The following RNF144A variants were observed in gnomAD, a reference collection of about 807,000 sequenced individuals.
The protein encoded by RNF144A is E3 ubiquitin-protein ligase RNF144A.
Under a neutral mutation model 38.7 loss-of-function variants are expected in RNF144A, and 11 were observed. The observed-to-expected ratio is 0.28, with a 90% CI of 0.18 to 0.47. The LOEUF is 0.47. RNF144A is among the 20% of genes least tolerant of loss of function. The pLI, the probability that RNF144A is intolerant of heterozygous loss-of-function variation, is 0.99. For missense variants in RNF144A, 316 were observed against 377.2 expected (o/e 0.84, Z 1.34); for synonymous variants, 149 against 143.9 (o/e 1.04, Z -0.25).
chr2:6,947,120 C>T (rs1368223096), intron 2 of RNF144A, among the ~76,000 whole-genome samples: 3 of 151,938 alleles, frequency 2.0e-5, no homozygotes, highest in Non-Finnish European at 4.4e-5. Flanking sequence ...AAAGTTGGAA[C>T]AAAATTGATC....
chr2:6,971,950 G>T (rs1421176016), intron 2 of RNF144A, among the ~76,000 whole-genome samples: 1 of 152,012 alleles, frequency 6.6e-6, no homozygotes, highest in Non-Finnish European at 1.5e-5. Context: ...TTAATAGTTT[G>T]CAAAAAGGGG....
At chr2:6,968,736 A>G (rs1042395120) in intron 2 of RNF144A, among the ~76,000 whole-genome samples, 2 of 151,994 alleles carry the variant, frequency 1.3e-5, no homozygotes, top group African/African-American at 2.4e-5. Flanking sequence ...TGAAAAACGC[A>G]TCAACTCTTC....
intron 5 of RNF144A, among the ~76,000 whole-genome samples, chr2:7,019,896 TG>T (rs1671401748): frequency 6.6e-6 from 1 of 152,208 alleles, no homozygotes; most frequent in African/African-American, 2.4e-5. Flanking sequence ...AGTTAACTCG[TG>T]GCTTGGATTT....
rs1321742749 is a variant in RNF144A, at chr2:7,025,680, A to AAAAT, written c.657+1180_657+1183dup. Among the ~76,000 whole-genome samples the AAAAT allele has an allele frequency of 6.6e-4, 100 of 152,318 alleles. 1 individual carries two copies. The highest frequency in any genetic ancestry group is 3.4e-3 in the Middle Eastern group (1 of 294). ...GAGTGAGACTCCATCTCAAAAAATA[A>AAAAT]AAATAAATAAATAAATAAAACTATA... On this transcript the variant is annotated intron_variant, in intron 7 of 8. Coordinates refer to ENST00000320892, the MANE Select transcript of RNF144A (RefSeq NM_014746.6).
At chr2:6,929,323 T>C (rs1274571513) in intron 1 of RNF144A, among the ~76,000 whole-genome samples, 3 of 152,154 alleles carry the variant, frequency 2.0e-5, no homozygotes, top group African/African-American at 7.2e-5. Flanking sequence ...CAGCTCTCCT[T>C]GACAGTGGAG....
chr2:7,030,220 G>A lies in RNF144A; in HGVS notation c.747+5G>A, dbSNP rs1194737248. The stretch of plus-strand genomic sequence containing the variant: ...GTGATCTGGCATCGGACACAGGTAG[G>A]AGGTGATTTGCCTGGAAGGTTGATC... On this transcript the variant is annotated splice_donor_5th_base_variant and intron_variant, in intron 8 of 8. Transcript: ENST00000320892. The A allele has an allele frequency of 4.4e-6, 7 of 1,605,050 alleles. No individual in the cohort carries two copies. In the African/African-American group the frequency reaches 8.0e-5, roughly 18 times the overall value.
chr2:7,066,289 G>A (rs988699898), intron 6 of RNF144A, among the ~76,000 whole-genome samples: 4 of 151,906 alleles, frequency 2.6e-5, no homozygotes, highest in Non-Finnish European at 4.4e-5. Flanking sequence ...GGGTTTCACC[G>A]TGTTAGCCAG....
In RNF144A at chr2:6,958,608, G is replaced by A. The variant is rs558486023; in HGVS notation, c.-12+17461G>A. The stretch of plus-strand genomic sequence containing the variant: ...CTCAGTAGCCTCTCTCCTATGTCAC[G>A]GTGGGAGTGTGTGGGACGTTGAGGT... On this transcript the variant is annotated intron_variant, in intron 2 of 8. Coordinates refer to ENST00000320892, the MANE Select transcript of RNF144A (RefSeq NM_014746.6). The surrounding 1 kb of genome is among the most constrained non-coding windows in gnomAD (Gnocchi z 4.5). 1.3e-5 allele frequency among the ~76,000 whole-genome samples: 2 copies of A among 152,272 alleles called. No individual in the cohort carries two copies. The highest frequency in any genetic ancestry group is 2.4e-5 in the African/African-American group (1 of 41,554).
chr2:6,945,034 A>G (rs1222648066), intron 2 of RNF144A, among the ~76,000 whole-genome samples: 3 of 152,258 alleles, frequency 2.0e-5, no homozygotes, highest in African/African-American at 7.2e-5. Context: ...AGTAGGAAAT[A>G]TCAGTAGTTT....
At chr2:7,010,483 C>T (rs1490313790) in intron 3 of RNF144A, among the ~76,000 whole-genome samples, 2 of 152,166 alleles carry the variant, frequency 1.3e-5, no homozygotes, top group Non-Finnish European at 2.9e-5. Context: ...CATCAGTAGC[C>T]AGCAGGCCTT....
intron 3 of RNF144A, among the ~76,000 whole-genome samples, chr2:7,009,097 C>G (rs1279231680): frequency 6.6e-6 from 1 of 152,190 alleles, no homozygotes; most frequent in Non-Finnish European, 1.5e-5. Flanking sequence ...GAGGTGTGCA[C>G]TCACCCTCCA....
At chr2:6,976,798 G>A (rs1668345253) in intron 2 of RNF144A, among the ~76,000 whole-genome samples, 1 of 148,266 alleles carries the variant, frequency 6.7e-6, no homozygotes. Flanking sequence ...AACAGATGGG[G>A]TTTATGCTTA....
intron 3 of RNF144A, among the ~76,000 whole-genome samples, chr2:7,005,617 C>A (rs1403428732): frequency 6.6e-6 from 1 of 152,198 alleles, no homozygotes; most frequent in Non-Finnish European, 1.5e-5. Context: ...TCCCAGAACA[C>A]AGAACAGCTT....
chr2:6,952,741 C>A (rs1438128867), intron 2 of RNF144A, among the ~76,000 whole-genome samples: 3 of 151,764 alleles, frequency 2.0e-5, no homozygotes, highest in African/African-American at 7.3e-5. Context: ...TGTTTTAGAG[C>A]TGGAGTCTTA....
At chr2:6,957,488 GGTC>G (rs1051652503) in intron 2 of RNF144A, among the ~76,000 whole-genome samples, 22 of 152,208 alleles carry the variant, frequency 1.4e-4, no homozygotes, top group Non-Finnish European at 1.8e-4. Flanking sequence ...GAGGGAAACT[GGTC>G]TACCTGATGC....
At chr2:7,070,444 C>T (rs1452170537), downstream of RNF144A, among the ~76,000 whole-genome samples, 3 of 152,164 alleles carry the variant, frequency 2.0e-5, no homozygotes, top group South Asian at 6.2e-4. Flanking sequence ...ACTGTGACTG[C>T]TTTGAAGAGG....
chr2:6,988,251 C>T (rs1050100597), intron 2 of RNF144A, among the ~76,000 whole-genome samples: 3 of 152,144 alleles, frequency 2.0e-5, no homozygotes, highest in East Asian at 1.9e-4. Context: ...TAACGTCTTG[C>T]GTTAGTTTAG....
intron 6 of RNF144A, among the ~76,000 whole-genome samples, chr2:7,066,410 C>A (rs1674226734): frequency 6.6e-6 from 1 of 152,162 alleles, no homozygotes. Context: ...TTATCTTAAG[C>A]TATCTATAGC....
intron 6 of RNF144A, among the ~76,000 whole-genome samples, chr2:7,066,435 T>C (rs893120985): frequency 2.0e-5 from 3 of 152,236 alleles, no homozygotes; most frequent in African/African-American, 7.2e-5. Context: ...AACAATTTGG[T>C]AATGTATTTC....
Sources: allele counts gnomAD v4.1 joint callset (sites outside exome capture counted in the v4.1 genomes callset), GRCh38; gene constraint gnomAD v4.1.1; non-coding constraint Gnocchi (gnomAD v3.1); transcripts MANE v1.5; gene names NCBI Gene and HGNC (gene_info 2026-07-23, HGNC 2026-07-21).